Variants in GALNTL6 observed in about 807,000 individuals in gnomAD.
The protein encoded by GALNTL6 is polypeptide N-acetylgalactosaminyltransferase-like 6.
In GALNTL6, 46 loss-of-function variants were observed where a neutral mutation model predicts 73.7. The observed-to-expected ratio is 0.62, with a 90% CI of 0.49 to 0.80. The LOEUF (loss-of-function observed/expected upper bound fraction) is 0.80, where lower values mean the gene tolerates loss of function less well. GALNTL6 is among the 30% of genes least tolerant of loss of function. GALNTL6 has a pLI of 0.00. For synonymous variants in GALNTL6, 259 were observed against 263.7 expected, an observed-to-expected ratio of 0.98 and a Z score of 0.17; for missense variants, 604 against 755.0, an observed-to-expected ratio of 0.80 and a Z score of 2.34.
chr4:172,260,369 A>T lies in GALNTL6; in HGVS notation c.247+30605A>T, dbSNP rs531799183. Among the ~76,000 whole-genome samples, 7 of 151,282 alleles carry T rather than the reference A, an allele frequency of 4.6e-5. No homozygotes were observed. The South Asian group carries it at 1.2e-3, about 27-fold the overall frequency. ...TTATGTATTTATTTTTGCAGTTATT[A>T]TAAAAGGGATTGAGTTCTTGATTTG... On this transcript the variant is annotated intron_variant, in intron 3 of 12. Coordinates refer to ENST00000506823, the MANE Select transcript of GALNTL6 (RefSeq NM_001034845.3).
chr4:172,537,900 T>C (rs1735405012), intron 5 of GALNTL6, among the ~76,000 whole-genome samples: 1 of 152,160 alleles, frequency 6.6e-6, no homozygotes, highest in South Asian at 2.1e-4. Flanking sequence ...GAGAATATTT[T>C]ACAGAATGCC....
intron 12 of GALNTL6, among the ~76,000 whole-genome samples, chr4:173,034,881 T>G (rs1241826993): frequency 6.6e-6 from 1 of 152,192 alleles, no homozygotes; most frequent in African/African-American, 2.4e-5. Context: ...GGCAGGGATT[T>G]TTGTCTCTTT....
At chr4:172,792,087 C>T (rs1168348883) in intron 5 of GALNTL6, among the ~76,000 whole-genome samples, 1 of 152,192 alleles carries the variant, frequency 6.6e-6, no homozygotes, top group Admixed American at 6.5e-5. Flanking sequence ...TTGATAATAT[C>T]AGAACCATTT....
intron 5 of GALNTL6, among the ~76,000 whole-genome samples, chr4:172,641,949 T>C (rs1028952068): frequency 2.6e-5 from 4 of 152,000 alleles, no homozygotes; most frequent in African/African-American, 7.2e-5. Flanking sequence ...AAAGAAGATA[T>C]ACAAAGGGCC....
intron 2 of GALNTL6, among the ~76,000 whole-genome samples, chr4:172,006,788 A>C (rs559302786): frequency 6.6e-6 from 1 of 152,202 alleles, no homozygotes; most frequent in Non-Finnish European, 1.5e-5. Context: ...ATCACGGCAT[A>C]CATGATACTA....
chr4:172,276,996 C>T (rs1234506580), intron 3 of GALNTL6, among the ~76,000 whole-genome samples: 1 of 152,016 alleles, frequency 6.6e-6, no homozygotes, highest in African/African-American at 2.4e-5. Flanking sequence ...TCTTGAAACG[C>T]TCCTTTTCCT....
intron 5 of GALNTL6, chr4:172,380,291 G>T (rs1370126788): frequency 6.6e-6 from 5 of 757,090 alleles, no homozygotes; most frequent in African/African-American, 1.7e-5. Context: ...CACTTTAGGG[G>T]CTGCCATTGG....
intron 3 of GALNTL6, among the ~76,000 whole-genome samples, chr4:172,288,546 T>C (rs1186262697): frequency 6.6e-6 from 1 of 152,198 alleles, no homozygotes; most frequent in Non-Finnish European, 1.5e-5. Flanking sequence ...ATTATTTAAT[T>C]AGAACCTTCT....
intron 2 of GALNTL6, among the ~76,000 whole-genome samples, chr4:172,180,852 C>G (rs1029321887): frequency 9.2e-5 from 14 of 152,082 alleles, no homozygotes; most frequent in African/African-American, 2.9e-4. Flanking sequence ...GTTACTGTAG[C>G]CTTATAGCAT....
At chr4:172,057,687 C>CA (rs1206241832) in intron 2 of GALNTL6, among the ~76,000 whole-genome samples, 66 of 125,608 alleles carry the variant, frequency 5.3e-4, no homozygotes, top group African/African-American at 2.1e-3. Context: ...GCCTGGGTGA[C>CA]ACAGACCCTG....
chr4:172,160,608 A>G (rs114359418), intron 2 of GALNTL6, among the ~76,000 whole-genome samples: 4,446 of 152,148 alleles, frequency 0.029, 196 homozygotes, highest in African/African-American at 0.1. Flanking sequence ...ATTCGAAAAA[A>G]CTAAGAGAAT....
In GALNTL6 at chr4:172,060,630, T is replaced by C. The variant is rs374684806; in HGVS notation, c.139-169026T>C. Among the ~76,000 whole-genome samples the C allele has an allele frequency of 3.3e-5, 5 of 152,176 alleles. No individual in the cohort carries two copies. In the East Asian group the frequency reaches 5.8e-4, roughly 18 times the overall value. On this transcript the variant is annotated intron_variant, in intron 2 of 12. Coordinates refer to ENST00000506823, the MANE Select transcript of GALNTL6 (RefSeq NM_001034845.3). ...ATTTTGGTATCAGAAAACATCTTATTGTCTTTTAAAGAAAGACACATAGAA... is the reference window on the plus strand; with the variant it reads ...ATTTTGGTATCAGAAAACATCTTATCGTCTTTTAAAGAAAGACACATAGAA...
chr4:172,927,577 A>T (rs1054789878), intron 8 of GALNTL6, among the ~76,000 whole-genome samples: 2 of 152,110 alleles, frequency 1.3e-5, no homozygotes, highest in African/African-American at 4.8e-5. Flanking sequence ...TCTGTGATAT[A>T]TGGAGTCTCG....
intron 2 of GALNTL6, among the ~76,000 whole-genome samples, chr4:171,861,790 G>A (rs1735836164): frequency 6.6e-6 from 1 of 151,998 alleles, no homozygotes; most frequent in Non-Finnish European, 1.5e-5. Context: ...TGTAGAGCAG[G>A]TATTCAGAAT....
intron 2 of GALNTL6, among the ~76,000 whole-genome samples, chr4:172,198,104 CTG>C (rs1436624360): frequency 2.6e-5 from 4 of 151,958 alleles, no homozygotes; most frequent in Non-Finnish European, 5.9e-5. Context: ...GAGTGAGACT[CTG>C]TCAAAAAAAC....
At chr4:171,994,468 A>G (rs539491063) in intron 2 of GALNTL6, among the ~76,000 whole-genome samples, 1 of 152,114 alleles carries the variant, frequency 6.6e-6, no homozygotes, top group African/African-American at 2.4e-5. Flanking sequence ...CACGCATATT[A>G]AAAAACACTT....
At chr4:172,521,591 G>T (rs908686444) in intron 5 of GALNTL6, among the ~76,000 whole-genome samples, 1 of 152,066 alleles carries the variant, frequency 6.6e-6, no homozygotes, top group Non-Finnish European at 1.5e-5. Context: ...CCAGGAATGG[G>T]CAAGACAATA....
chr4:172,280,974 C>T (rs935944658), intron 3 of GALNTL6, among the ~76,000 whole-genome samples: 2 of 150,202 alleles, frequency 1.3e-5, no homozygotes, highest in Admixed American at 6.6e-5. Flanking sequence ...TCCTGGCTAA[C>T]GTGGTGAAAC....
At chr4:171,869,857 C>A (rs750189846) in intron 2 of GALNTL6, among the ~76,000 whole-genome samples, 1 of 152,070 alleles carries the variant, frequency 6.6e-6, no homozygotes, top group Admixed American at 6.5e-5. Context: ...TCTTGCCTGC[C>A]ATCTTCTGCC....
Sources: gnomAD v4.1 joint callset for allele counts (sites outside exome capture counted in the v4.1 genomes callset) on GRCh38, gnomAD v4.1.1 for gene constraint, MANE v1.5 for transcripts, NCBI Gene and HGNC (gene_info 2026-07-23, HGNC 2026-07-21) for gene names.